TMCC1: variants seen among roughly 807,000 people sequenced by gnomAD.
TMCC1 encodes the protein transmembrane and coiled-coil domain family 1.
In TMCC1, 15 loss-of-function variants were observed where a neutral mutation model predicts 52.4. That is an observed-to-expected ratio of 0.29 (90% CI 0.19 to 0.44). The LOEUF (loss-of-function observed/expected upper bound fraction) is 0.44, where lower values mean the gene tolerates loss of function less well. TMCC1 is among the 20% of genes least tolerant of loss of function. TMCC1 has a pLI of 1.00. For missense variants in TMCC1, 503 were observed against 806.0 expected, an observed-to-expected ratio of 0.62 and a Z score of 4.55; for synonymous variants, 279 against 301.9, an observed-to-expected ratio of 0.92 and a Z score of 0.79.
intron 1 of TMCC1, among the ~76,000 whole-genome samples, chr3:129,885,142 A>G (rs1374293911): frequency 6.6e-6 from 1 of 151,986 alleles, no homozygotes; most frequent in Admixed American, 6.6e-5. Context: ...CTGTTTCTAC[A>G]TAAATAAGTA....
At position 129,720,875 on chromosome 3, in the gene TMCC1, TAA is replaced by T. The variant is rs567569736; in HGVS notation, c.577-49613_577-49612del. Among the ~76,000 whole-genome samples the T allele has an allele frequency of 4.6e-5, 7 of 152,052 alleles. No homozygotes were observed. In the South Asian group the frequency reaches 1.5e-3, roughly 32 times the overall value. ...ATGCCTGGCTAATTTTTATTTTTTT[TAA>T]AGACAAGCTCTCACTATGTTGCTCA... On this transcript the variant is annotated intron_variant, in intron 4 of 6. Transcript: ENST00000393238.
intron 2 of TMCC1, among the ~76,000 whole-genome samples, chr3:129,844,892 A>T (rs1477793522): frequency 6.6e-6 from 1 of 152,190 alleles, no homozygotes; most frequent in Non-Finnish European, 1.5e-5. Flanking sequence ...AAAATTTAAA[A>T]GGTGAAAGAG....
chr3:129,888,003 G>C (rs1453187713), intron 1 of TMCC1, among the ~76,000 whole-genome samples: 1 of 152,142 alleles, frequency 6.6e-6, no homozygotes, highest in African/African-American at 2.4e-5. Context: ...AGGGAAAGCT[G>C]CTGACCTAAA....
intron 2 of TMCC1, among the ~76,000 whole-genome samples, chr3:129,852,810 TA>T (rs1408495205): frequency 6.6e-6 from 1 of 152,258 alleles, no homozygotes; most frequent in East Asian, 1.9e-4. Flanking sequence ...ATTTTGTTTA[TA>T]ATTTTTAACT....
chr3:129,827,617 A>G, intron 4 of TMCC1, 186 bp downstream of exon 4: 1 of 643,266 alleles, frequency 1.6e-6, no homozygotes. Flanking sequence ...GGAAATAGGA[A>G]TATAATTCTA....
intron 4 of TMCC1, among the ~76,000 whole-genome samples, chr3:129,805,177 T>C (rs903160538): frequency 1.3e-5 from 2 of 152,062 alleles, no homozygotes; most frequent in Non-Finnish European, 1.5e-5. Context: ...ATTTATTTAT[T>C]TTGGAGACAG....
chr3:129,654,272 A>T (rs1314382220), intron 6 of TMCC1, among the ~76,000 whole-genome samples: 1 of 152,208 alleles, frequency 6.6e-6, no homozygotes, highest in Admixed American at 6.5e-5. Flanking sequence ...GTCCAGAAGG[A>T]TCTTAGGAAA....
intron 4 of TMCC1, among the ~76,000 whole-genome samples, chr3:129,763,542 CAAAAA>C (rs11354197): frequency 5.6e-4 from 25 of 44,644 alleles, no homozygotes; most frequent in African/African-American, 7.4e-4. Context: ...GACCCTGTCT[CAAAAA>C]AAAAAAAAAA....
At chr3:129,655,934 T>G (rs1324381523) in intron 5 of TMCC1, among the ~76,000 whole-genome samples, 1 of 152,042 alleles carries the variant, frequency 6.6e-6, no homozygotes, top group Admixed American at 6.6e-5. Context: ...AAAATGAATG[T>G]GAGTAAAGGG....
At chr3:129,802,115 C>A (rs1470012375) in intron 4 of TMCC1, among the ~76,000 whole-genome samples, 1 of 152,160 alleles carries the variant, frequency 6.6e-6, no homozygotes, top group Non-Finnish European at 1.5e-5. Context: ...ACTATATAGT[C>A]TTGTCTTGGG....
intron 2 of TMCC1, among the ~76,000 whole-genome samples, chr3:129,858,281 T>A (rs1351979999): frequency 1.3e-5 from 2 of 152,202 alleles, no homozygotes; most frequent in Non-Finnish European, 2.9e-5. Context: ...CGCAGCACAC[T>A]ACTAAACAGC....
intron 4 of TMCC1, among the ~76,000 whole-genome samples, chr3:129,746,345 AT>A (rs66466206): frequency 0.62 from 89,885 of 144,926 alleles, 32,636 homozygotes; most frequent in Non-Finnish European, 0.82. Flanking sequence ...TCATTTTTGT[AT>A]TTTTTTTTTT....
intron 4 of TMCC1, among the ~76,000 whole-genome samples, chr3:129,707,306 T>C (rs1026968528): frequency 6.6e-6 from 1 of 152,186 alleles, no homozygotes; most frequent in African/African-American, 2.4e-5. Context: ...AGTGGAGATA[T>C]ATTTAAAAAA....
chr3:129,754,097 T>C (rs1232985884), intron 4 of TMCC1, among the ~76,000 whole-genome samples: 1 of 152,198 alleles, frequency 6.6e-6, no homozygotes, highest in Non-Finnish European at 1.5e-5. Flanking sequence ...AATGAGCAAC[T>C]GAAATCCCAA....
chr3:129,797,799 T>A (rs1560441365), intron 4 of TMCC1, among the ~76,000 whole-genome samples: 1 of 152,106 alleles, frequency 6.6e-6, no homozygotes, highest in Non-Finnish European at 1.5e-5. Context: ...AGAAAGAAGG[T>A]TGAACATATC....
At chr3:129,775,577 T>C (rs1013198592) in intron 4 of TMCC1, among the ~76,000 whole-genome samples, 1 of 152,184 alleles carries the variant, frequency 6.6e-6, no homozygotes, top group Non-Finnish European at 1.5e-5. Context: ...GAACTGGGGT[T>C]GGGAAAAGAA....
At chr3:129,864,507 TG>T (rs1193049726) in intron 2 of TMCC1, among the ~76,000 whole-genome samples, 1 of 152,210 alleles carries the variant, frequency 6.6e-6, no homozygotes. Flanking sequence ...TTATAACTAC[TG>T]GCTGGGCACG....
intron 4 of TMCC1, among the ~76,000 whole-genome samples, chr3:129,809,020 C>G (rs182370366): frequency 3.3e-5 from 5 of 150,354 alleles, no homozygotes; most frequent in Admixed American, 3.3e-4. Flanking sequence ...TCCCAGATCA[C>G]GAGGTCAGGA....
intron 4 of TMCC1, among the ~76,000 whole-genome samples, chr3:129,684,653 T>C (rs1385623898): frequency 1.3e-5 from 2 of 152,186 alleles, no homozygotes; most frequent in Non-Finnish European, 2.9e-5. Flanking sequence ...TGATGAGCAA[T>C]GGAAAGATTT....
Sources: allele counts gnomAD v4.1 joint callset (sites outside exome capture counted in the v4.1 genomes callset), GRCh38; gene constraint gnomAD v4.1.1; transcripts MANE v1.5; gene names NCBI Gene and HGNC (gene_info 2026-07-23, HGNC 2026-07-21).